The following NSD2 variants were observed in gnomAD, a reference collection of about 807,000 sequenced individuals.
NSD2 encodes nuclear receptor binding SET domain protein 2, also known as histone-lysine N-methyltransferase NSD2.
Under a neutral mutation model 139.0 loss-of-function variants are expected in NSD2, and 12 were observed. The observed-to-expected ratio is 0.09, with a 90% CI of 0.06 to 0.14. The LOEUF is 0.14. NSD2 is among the 10% of genes least tolerant of loss of function. The pLI is 1.00. For synonymous variants in NSD2, 669 were observed against 648.7 expected, an observed-to-expected ratio of 1.03 and a Z score of -0.48; for missense variants, 1,155 against 1,745.0, an observed-to-expected ratio of 0.66 and a Z score of 6.02.
Position 1,958,051 on chromosome 4 carries a change from C to T in NSD2, c.2985+15C>T. The T allele has an allele frequency of 6.2e-7, 1 of 1,611,930 alleles. No homozygotes were observed. The highest frequency in any genetic ancestry group is 2.2e-5 in the East Asian group (1 of 44,852). On this transcript the variant is annotated intron_variant, in intron 16 of 21. Coordinates refer to ENST00000508803, the MANE Select transcript of NSD2 (RefSeq NM_001042424.3). The surrounding 1 kb of genome is among the most constrained non-coding windows in gnomAD (Gnocchi z 4.6). ...AGCACATCAAGGTGGCGTGTGGGAG[C>T]TGCGTGCACGCGTGTGGAGGGAGTC...
At chr4:1,932,972 T>C (rs1721848229) in intron 6 of NSD2, among the ~76,000 whole-genome samples, 1 of 152,184 alleles carries the variant, frequency 6.6e-6, no homozygotes, top group Non-Finnish European at 1.5e-5. Flanking sequence ...CCTCGAGAGT[T>C]TGGCTGGCTG....
At position 1,982,034 on chromosome 4, in the gene NSD2, T is replaced by C; in HGVS notation, c.*3125T>C. The C allele has an allele frequency of 2.5e-6, 1 of 398,168 alleles. No individual in the cohort carries two copies. 24.7% of individuals were successfully genotyped at this position (398,168 alleles called of 1,614,324 possible). A position where few individuals can be genotyped will look rare whatever the true frequency, so the allele number is the denominator to read the frequency against. The stretch of plus-strand genomic sequence containing the variant: ...TACTGGGTGCTGTCACCAGGTTTGA[T>C]AGTTAGACTTAAAAACTTGAAATTC... On this transcript the variant is annotated 3_prime_UTR_variant, in exon 22 of 22. Transcript: ENST00000508803.
chr4:1,942,397 C>T lies in NSD2; in HGVS notation c.1881+2619C>T. On this transcript the variant is annotated intron_variant, in intron 9 of 21. Transcript: ENST00000508803. This position sits in a 1 kb window ranked among gnomAD's most constrained non-coding sequence, Gnocchi z 4.0. ...TTGAACCCAGCTGCTCTGTACTGCA[C>T]TTAGAATGATGTAATATTCCAGGAT... 1 of 1,611,882 alleles carries T rather than the reference C, an allele frequency of 6.2e-7. No individual in the cohort carries two copies. The highest frequency in any genetic ancestry group is 8.5e-7 in the Non-Finnish European group (1 of 1,179,398).
At chr4:1,968,609 A>G in intron 18 of NSD2, among the ~76,000 whole-genome samples, 1 of 152,228 alleles carries the variant, frequency 6.6e-6, no homozygotes, top group East Asian at 1.9e-4. Flanking sequence ...GGAAGGAGAA[A>G]TAATAGTAAT....
intron 11 of NSD2, chr4:1,952,899 C>T (rs1577530706): frequency 2.2e-6 from 3 of 1,389,468 alleles, no homozygotes; most frequent in East Asian, 5.3e-5. Flanking sequence ...GGAGAGTCTC[C>T]CAGGCCATGG....
At chr4:1,922,621 T>C (rs905707539) in intron 5 of NSD2, among the ~76,000 whole-genome samples, 4 of 152,210 alleles carry the variant, frequency 2.6e-5, no homozygotes, top group South Asian at 2.1e-4. Context: ...TAGGAAGTTA[T>C]CTTATTTAAA....
In NSD2 at chr4:1,894,621, G is replaced by A. The variant is rs73202828; in HGVS notation, c.-29-6005G>A. 4.8e-3 allele frequency among the ~76,000 whole-genome samples: 726 copies of A among 151,420 alleles called. 8 individuals are homozygous for A. Among genetic ancestry groups the A allele is most frequent in the South Asian group, 0.026 (127 of 4,802 alleles). On this transcript the variant is annotated intron_variant, in intron 1 of 21. Coordinates refer to ENST00000508803, the MANE Select transcript of NSD2 (RefSeq NM_001042424.3). ...CAGGAGTTCTAGGATGCAGTGAGCT[G>A]TGATGGCACCATTGCATTTTAGCCT...
chr4:1,915,888 C>T (rs1471960076), intron 3 of NSD2, among the ~76,000 whole-genome samples: 1 of 152,142 alleles, frequency 6.6e-6, no homozygotes, highest in African/African-American at 2.4e-5. Flanking sequence ...GATCCCCCTC[C>T]CTCCTCTCAC....
At chr4:1,943,263 T>G (rs1309245550) in intron 9 of NSD2, 2 of 1,043,510 alleles carry the variant, frequency 1.9e-6, no homozygotes, top group African/African-American at 1.7e-5. Context: ...CACAGTTAAT[T>G]CCCGGCAGAT....
intron 9 of NSD2, chr4:1,945,174 C>G (rs1160961555): frequency 9.4e-7 from 1 of 1,065,306 alleles, no homozygotes; most frequent in Non-Finnish European, 1.1e-6. Context: ...GTACTTCACA[C>G]AGAAGCCTAG....
chr4:1,917,034 T>G lies in NSD2; in HGVS notation c.924T>G (p.Ile308Met), dbSNP rs760909823. ...AGGCACCCACGAAAGCTGAGAAAAT[T>G]AAGGTGATAGATGACCCTTCAGTCT... ...AKQAPTKAEK[I>M]KLLKPISGKL... The change falls in exon 4 of 22, where the codon ATT (isoleucine) becomes ATG (methionine). Residue 308 changes from isoleucine to methionine, a missense_variant. By Grantham distance (10) the Ile-to-Met change is conservative. This residue lies in a region of NSD2 where 420 missense variants were observed against 469.0 expected (regional missense o/e 0.90). Transcript: ENST00000508803. 6.2e-7 allele frequency: 1 copy of G among 1,611,686 alleles called. No individual in the cohort carries two copies. Among genetic ancestry groups the G allele is most frequent in the South Asian group, 1.1e-5 (1 of 90,420 alleles).
chr4:1,953,020 A>T (rs1724440206), intron 11 of NSD2: 2 of 1,441,634 alleles, frequency 1.4e-6, no homozygotes, highest in African/African-American at 2.9e-5. Context: ...GCCTCTTTTC[A>T]TAGGAGCCCC....
intron 1 of NSD2, among the ~76,000 whole-genome samples, chr4:1,883,149 C>G (rs1469402626): frequency 6.6e-6 from 1 of 152,134 alleles, no homozygotes; most frequent in Non-Finnish European, 1.5e-5. Context: ...CTGACAGAAC[C>G]AGATGGCTAG....
Position 1,975,536 on chromosome 4 carries a change from G to C in NSD2, c.3621+136G>C, listed in dbSNP as rs990363513. ...GACAGGTGGGAGCAAGTTCCCTGCTGTGGGCTGGGGAGGATGGCTCTCAAC... is the reference window on the plus strand; with the variant it reads ...GACAGGTGGGAGCAAGTTCCCTGCTCTGGGCTGGGGAGGATGGCTCTCAAC... On this transcript the variant is annotated intron_variant, in intron 20 of 21. Transcript: ENST00000508803. The C allele has an allele frequency of 7.1e-6, 5 of 703,658 alleles. No individual in the cohort carries two copies. In the African/African-American group the frequency reaches 7.2e-5, roughly 10 times the overall value. The allele number at this position is 703,658 out of a possible 1,614,324, so 43.6% of individuals were successfully genotyped here. A position where few individuals can be genotyped will look rare whatever the true frequency, so the allele number is the denominator to read the frequency against.
intron 18 of NSD2, among the ~76,000 whole-genome samples, chr4:1,962,872 T>C (rs530880568): frequency 2.1e-4 from 32 of 152,202 alleles, no homozygotes; most frequent in African/African-American, 7.7e-4. Flanking sequence ...TGTCTTGAAA[T>C]AGCCCTAGAG....
chr4:1,907,833 G>C (rs1718138228), intron 3 of NSD2, among the ~76,000 whole-genome samples: 1 of 152,024 alleles, frequency 6.6e-6, no homozygotes, highest in Non-Finnish European at 1.5e-5. Flanking sequence ...GGATGATCTT[G>C]ATCTCTTGAC....
chr4:1,882,690 A>G (rs1206368804), intron 1 of NSD2, among the ~76,000 whole-genome samples: 1 of 151,998 alleles, frequency 6.6e-6, no homozygotes, highest in East Asian at 1.9e-4. Flanking sequence ...AACAACAACA[A>G]AAAACTGGGT....
intron 1 of NSD2, among the ~76,000 whole-genome samples, chr4:1,891,668 T>C (rs1054823343): frequency 2.6e-5 from 4 of 152,018 alleles, no homozygotes; most frequent in Admixed American, 2.0e-4. Context: ...CTGGCTAACA[T>C]GGTGAAACCC....
intron 9 of NSD2, chr4:1,945,380 C>T: frequency 9.4e-7 from 1 of 1,063,584 alleles, no homozygotes; most frequent in Non-Finnish European, 1.1e-6. Flanking sequence ...CCTGGCCTTG[C>T]TTGCCCATGG....
Sources: allele counts gnomAD v4.1 joint callset (sites outside exome capture counted in the v4.1 genomes callset), GRCh38; gene constraint gnomAD v4.1.1; regional missense constraint gnomAD v4.1.1; non-coding constraint Gnocchi (gnomAD v3.1); transcripts MANE v1.5; gene names NCBI Gene and HGNC (gene_info 2026-07-23, HGNC 2026-07-21).